LTBP2: variants seen among roughly 807,000 people sequenced by gnomAD.
LTBP2 encodes latent transforming growth factor beta binding protein 2, also known as latent-transforming growth factor beta-binding protein 2.
LTBP2 carries 103 observed loss-of-function variants against 210.6 expected under a neutral mutation model. The observed-to-expected ratio is 0.49, with a 90% confidence interval of 0.42 to 0.58. LTBP2 has a LOEUF of 0.58. Ranked by LOEUF, LTBP2 falls within the 20% of genes least tolerant of loss-of-function variation. The pLI is 0.00. For missense variants in LTBP2, 2,313 were observed against 2,494.5 expected, an observed-to-expected ratio of 0.93 and a Z score of 1.55; for synonymous variants, 1,007 against 1,015.0, an observed-to-expected ratio of 0.99 and a Z score of 0.15.
At chr14:74,523,006 G>C in intron 15 of LTBP2, 88 bp from the exon 16 acceptor site, 1 of 1,515,294 alleles carries the variant, frequency 6.6e-7, no homozygotes. Flanking sequence ...CAGTGGCCAG[G>C]GTCTAGGGGC....
At chr14:74,509,450 G>C in intron 21 of LTBP2, 87 bp from the exon 22 acceptor site, 4 of 1,584,624 alleles carry the variant, frequency 2.5e-6, no homozygotes, top group South Asian at 1.1e-5. Context: ...TTCCCTCTCT[G>C]AGCCCCTGGG....
At chr14:74,525,320 G>A (rs2087258643) in intron 14 of LTBP2, 95 bp from the exon 15 acceptor site, 1 of 581,586 alleles carries the variant, frequency 1.7e-6, no homozygotes, top group Admixed American at 3.8e-5. Flanking sequence ...AAGAACGAAG[G>A]GTGAAGCCTG....
intron 4 of LTBP2, 22 bp from the exon 5 acceptor site, chr14:74,553,084 C>T: frequency 6.2e-7 from 1 of 1,613,334 alleles, no homozygotes; most frequent in Non-Finnish European, 8.5e-7. Flanking sequence ...GGGCTTGGGT[C>T]CAGGGGGCAG....
At chr14:74,590,966 A>G (rs1379305766) in intron 2 of LTBP2, among the ~76,000 whole-genome samples, 5 of 152,166 alleles carry the variant, frequency 3.3e-5, no homozygotes, top group African/African-American at 1.2e-4. Context: ...TGTAACCAAA[A>G]ACCATTTGTA....
At chr14:74,599,663 C>T (rs2139803677) in intron 2 of LTBP2, among the ~76,000 whole-genome samples, 1 of 152,378 alleles carries the variant, frequency 6.6e-6, no homozygotes, top group Middle Eastern at 3.4e-3. Flanking sequence ...GCTCTAGCCC[C>T]CGCCAAGGTG....
Position 74,555,667 on chromosome 14 carries a change from T to G in LTBP2, c.857A>C (p.His286Pro). 2.6e-6 allele frequency: 4 copies of G among 1,562,094 alleles called. No homozygotes were observed. The highest frequency in any genetic ancestry group is 3.5e-6 in the Non-Finnish European group (4 of 1,149,574). ...CAACCCCACGTGCTGCTGGGAAGGG[T>G]GGGTCTGGCTGAGGCCACTCAGGGT... is the stretch of plus-strand genomic sequence containing the variant. ...AGTLSGLSQTHPSQQHVGLSR... is the reference protein window; with the variant it reads ...AGTLSGLSQTPPSQQHVGLSR... Residue 286 changes from histidine to proline, a missense_variant, in exon 4 of 36, where the codon CAC becomes CCC. His to Pro is a moderately conservative substitution (Grantham distance 77). Coordinates refer to ENST00000261978, the MANE Select transcript of LTBP2 (RefSeq NM_000428.3).
chr14:74,547,845 A>C (rs1362967218), intron 8 of LTBP2, among the ~76,000 whole-genome samples: 1 of 152,134 alleles, frequency 6.6e-6, no homozygotes, highest in African/African-American at 2.4e-5. Context: ...GAACCTGCCC[A>C]GAGCAGGGAC....
At chr14:74,553,157 C>A in intron 4 of LTBP2, 95 bp from the exon 5 acceptor site, 1 of 1,231,218 alleles carries the variant, frequency 8.1e-7, no homozygotes, top group Non-Finnish European at 1.2e-6. Context: ...ACTAGGGCTG[C>A]ATTCATCTCA....
intron 3 of LTBP2, among the ~76,000 whole-genome samples, chr14:74,578,326 G>A (rs971904332): frequency 3.3e-5 from 5 of 152,210 alleles, no homozygotes; most frequent in African/African-American, 1.2e-4. Context: ...CGCGAATCGT[G>A]CTACATTATT....
chr14:74,526,192 C>T (rs2087271925), intron 13 of LTBP2, 78 bp from the exon 14 acceptor site: 24 of 1,421,008 alleles, frequency 1.7e-5, no homozygotes, highest in Non-Finnish European at 2.2e-5. Flanking sequence ...ACACTGACCC[C>T]CACCTCCGGG....
chr14:74,602,515 G>C (rs962654491), intron 2 of LTBP2, among the ~76,000 whole-genome samples: 1 of 152,210 alleles, frequency 6.6e-6, no homozygotes, highest in Non-Finnish European at 1.5e-5. Flanking sequence ...CTGGTGTCAG[G>C]TTGTCTGGAT....
chr14:74,499,504 T>C lies in LTBP2; in HGVS notation c.*1380A>G. 1 of 228,978 alleles carries C rather than the reference T, an allele frequency of 4.4e-6. No homozygotes were observed. 14.2% of individuals were successfully genotyped at this position (228,978 alleles called of 1,614,324 possible). A position where few individuals can be genotyped will look rare whatever the true frequency, so the allele number is the denominator to read the frequency against. ...AGCAGGTAGGACAGGGCAGATTAAA[T>C]TAAGAAAGTAGCATTCACTTCCATG... On this transcript the variant is annotated 3_prime_UTR_variant, in exon 36 of 36. Transcript: ENST00000261978.
intron 2 of LTBP2, among the ~76,000 whole-genome samples, chr14:74,598,981 A>AT (rs1230436359): frequency 6.6e-6 from 1 of 152,200 alleles, no homozygotes; most frequent in Non-Finnish European, 1.5e-5. Flanking sequence ...GTAAATGGGG[A>AT]TAAAAAATCC....
At chr14:74,575,009 C>G (rs927708869) in intron 3 of LTBP2, among the ~76,000 whole-genome samples, 1 of 152,222 alleles carries the variant, frequency 6.6e-6, no homozygotes, top group African/African-American at 2.4e-5. Context: ...GATGTCTGCT[C>G]TGTGCCCAGC....
At chr14:74,528,344 G>A in intron 12 of LTBP2, 139 bp downstream of exon 12, 1 of 964,920 alleles carries the variant, frequency 1.0e-6, no homozygotes, top group Non-Finnish European at 1.6e-6. Flanking sequence ...AGGGTTGGGT[G>A]CTGCTGCTCC....
In LTBP2 at chr14:74,551,327, T is replaced by C. The variant is rs1257241856; in HGVS notation, c.1423A>G (p.Lys475Glu). The C allele has an allele frequency of 1.3e-6, 2 of 1,585,606 alleles. No homozygotes were observed. Among genetic ancestry groups the C allele is most frequent in the Non-Finnish European group, 1.7e-6 (2 of 1,163,814 alleles). Residue 475 changes from lysine (K) to glutamate (E), a missense_variant, in exon 7 of 36, where the codon AAG (lysine) becomes GAG (glutamate). By Grantham distance (56) the Lys-to-Glu change is moderately conservative (BLOSUM62 1). Around this residue, in one of 3 missense-constraint regions of LTBP2, gnomAD observed 1,867 missense variants for 1,976.9 expected, o/e 0.94. Coordinates refer to ENST00000261978, the MANE Select transcript of LTBP2 (RefSeq NM_000428.3). ...TCGGGTGGGTGGTGAATGTGCACCTTCACCAGGGAGGGGTTCACGGAGGCT... is the reference window on the plus strand; with the variant it reads ...TCGGGTGGGTGGTGAATGTGCACCTCCACCAGGGAGGGGTTCACGGAGGCT... ...QLASVNPSLV[K>E]VHIHHPPEAS...
At position 74,502,943 on chromosome 14, in the gene LTBP2, G is replaced by A. The variant is rs1454347902; in HGVS notation, c.4889-9C>T. The A allele has an allele frequency of 2.5e-6, 4 of 1,610,234 alleles. No individual in the cohort carries two copies. The African/African-American group carries it at 4.0e-5, about 16-fold the overall frequency. On this transcript the variant is annotated splice_polypyrimidine_tract_variant and intron_variant, in intron 33 of 35. Coordinates refer to ENST00000261978, the MANE Select transcript of LTBP2 (RefSeq NM_000428.3). ...CAGCTGAGCATAGACCTCTGTCAGG[G>A]AGGAGGGAGAGAAGGAGCTGGGTTC...
intron 3 of LTBP2, among the ~76,000 whole-genome samples, chr14:74,574,265 C>T (rs1292335592): frequency 6.6e-6 from 1 of 152,196 alleles, no homozygotes; most frequent in Admixed American, 6.5e-5. Context: ...GTCACCCTAA[C>T]CACAACCTTA....
chr14:74,533,638 C>T (rs547022017), intron 9 of LTBP2, among the ~76,000 whole-genome samples: 20 of 152,336 alleles, frequency 1.3e-4, no homozygotes, highest in African/African-American at 4.8e-4. Flanking sequence ...AAGGGCACAT[C>T]TTCGGGTCCT....
Sources: allele counts gnomAD v4.1 joint callset (sites outside exome capture counted in the v4.1 genomes callset), GRCh38; gene constraint gnomAD v4.1.1; regional missense constraint gnomAD v4.1.1; transcripts MANE v1.5; gene names NCBI Gene and HGNC (gene_info 2026-07-23, HGNC 2026-07-21).